GRIK2: variants seen among roughly 807,000 people sequenced by gnomAD.
GRIK2 encodes glutamate receptor ionotropic, kainate 2.
A neutral mutation model predicts 100.3 loss-of-function variants in GRIK2; 32 were observed. The ratio of observed to expected loss-of-function variants is 0.32; its 90% confidence interval spans 0.24 to 0.43. The LOEUF is 0.43. Ranked by LOEUF, GRIK2 falls within the 20% of genes least tolerant of loss-of-function variation. GRIK2 has a pLI of 1.00. For missense variants in GRIK2, 843 were observed against 1,114.9 expected, an observed-to-expected ratio of 0.76 and a Z score of 3.47; for synonymous variants, 417 against 389.4, an observed-to-expected ratio of 1.07 and a Z score of -0.83.
intron 14 of GRIK2, among the ~76,000 whole-genome samples, chr6:102,013,476 T>C (rs1339290978): frequency 6.6e-6 from 1 of 152,128 alleles, no homozygotes; most frequent in Non-Finnish European, 1.5e-5. Flanking sequence ...CTATTTTGAA[T>C]AGGAGTGGTG....
intron 2 of GRIK2, among the ~76,000 whole-genome samples, chr6:101,572,471 A>C (rs974978808): frequency 1.3e-5 from 2 of 152,156 alleles, no homozygotes; most frequent in Admixed American, 6.6e-5. Context: ...ACTTGTGCTA[A>C]ACTGAAGCCA....
At chr6:101,875,331 G>C (rs9485553) in intron 11 of GRIK2, among the ~76,000 whole-genome samples, 17,970 of 151,736 alleles carry the variant, frequency 0.12, 2,016 homozygotes, top group East Asian at 0.52. Context: ...CTTTATCTTG[G>C]GGGTATTTCT....
chr6:101,433,435 A>C, intron 2 of GRIK2, among the ~76,000 whole-genome samples: 1 of 152,202 alleles, frequency 6.6e-6, no homozygotes, highest in East Asian at 1.9e-4. Flanking sequence ...TAATATTAGC[A>C]ACTACTTCTT....
chr6:101,428,906 A>G (rs1457827161), intron 2 of GRIK2, among the ~76,000 whole-genome samples: 5 of 152,236 alleles, frequency 3.3e-5, no homozygotes, highest in South Asian at 2.1e-4. Context: ...ATGTTTTATC[A>G]TTGTTCTTTC....
intron 2 of GRIK2, among the ~76,000 whole-genome samples, chr6:101,582,984 T>C (rs1470766865): frequency 6.6e-6 from 1 of 152,054 alleles, no homozygotes; most frequent in East Asian, 1.9e-4. Context: ...ATTACTCAGA[T>C]GAATGAGGTT....
intron 7 of GRIK2, among the ~76,000 whole-genome samples, chr6:101,707,211 T>C (rs749298953): frequency 2.0e-5 from 3 of 151,644 alleles, no homozygotes; most frequent in Non-Finnish European, 4.4e-5. Flanking sequence ...GCACATATTC[T>C]AATTTGACTC....
chr6:101,762,251 T>C (rs1583098689), intron 7 of GRIK2, among the ~76,000 whole-genome samples: 1 of 151,858 alleles, frequency 6.6e-6, no homozygotes, highest in Admixed American at 6.6e-5. Context: ...CATAACTCAT[T>C]GCAGCCTCAA....
At chr6:101,722,877 T>G (rs1562335257) in intron 7 of GRIK2, among the ~76,000 whole-genome samples, 1 of 152,060 alleles carries the variant, frequency 6.6e-6, no homozygotes, top group African/African-American at 2.4e-5. Flanking sequence ...ATTTAAGATG[T>G]GATCAGCATG....
chr6:101,430,305 T>G (rs1769305071), intron 2 of GRIK2: 1 of 153,748 alleles, frequency 6.5e-6, no homozygotes, highest in African/African-American at 2.4e-5. Flanking sequence ...TACAAGCTTC[T>G]GGGACAAATT....
intron 15 of GRIK2, among the ~76,000 whole-genome samples, chr6:102,037,072 A>T (rs1380369337): frequency 6.6e-6 from 1 of 151,472 alleles, no homozygotes; most frequent in South Asian, 2.1e-4. Flanking sequence ...AAATAATATT[A>T]CATTTGGAAA....
intron 2 of GRIK2, among the ~76,000 whole-genome samples, chr6:101,495,752 A>G (rs1386922118): frequency 1.3e-5 from 2 of 152,044 alleles, no homozygotes; most frequent in South Asian, 2.1e-4. Flanking sequence ...CAAACAGGGT[A>G]TATTGGAGAT....
At chr6:101,943,915 G>C (rs555653661) in intron 14 of GRIK2, among the ~76,000 whole-genome samples, 2 of 152,274 alleles carry the variant, frequency 1.3e-5, no homozygotes, top group East Asian at 3.9e-4. Context: ...ATGCAATTTG[G>C]GAGGGGAAAG....
intron 7 of GRIK2, among the ~76,000 whole-genome samples, chr6:101,740,683 G>A (rs1583054051): frequency 6.6e-6 from 1 of 152,198 alleles, no homozygotes; most frequent in Non-Finnish European, 1.5e-5. Flanking sequence ...TGTACAAGAA[G>A]CTTGGCTCCA....
chr6:101,471,266 C>T lies in GRIK2; in HGVS notation c.115+71874C>T, dbSNP rs192704778. Among the ~76,000 whole-genome samples the T allele has an allele frequency of 3.1e-3, 466 of 152,068 alleles. 2 individuals carry two copies. The highest frequency in any genetic ancestry group is 4.4e-3 in the African/African-American group (183 of 41,516). The stretch of plus-strand genomic sequence containing the variant: ...ATCTATAACGCTTTGGTAGATTAAA[C>T]GATCTCTCATATTATACCTAATACT... On this transcript the variant is annotated intron_variant, in intron 2 of 16. Coordinates refer to ENST00000369134, the MANE Select transcript of GRIK2 (RefSeq NM_021956.5).
intron 7 of GRIK2, among the ~76,000 whole-genome samples, chr6:101,792,455 C>T (rs1779944150): frequency 6.6e-6 from 1 of 151,568 alleles, no homozygotes. Flanking sequence ...TTTATTTCTC[C>T]TTCACTTATG....
At chr6:101,483,217 A>C (rs1332108190) in intron 2 of GRIK2, among the ~76,000 whole-genome samples, 1 of 152,172 alleles carries the variant, frequency 6.6e-6, no homozygotes, top group African/African-American at 2.4e-5. Flanking sequence ...TGGGGTATTC[A>C]ATAACTTATG....
At chr6:101,909,384 T>TGTTTTTG (rs200506567) in intron 12 of GRIK2, among the ~76,000 whole-genome samples, 4,090 of 138,574 alleles carry the variant, frequency 0.03, 170 homozygotes, top group Non-Finnish European at 0.044. Context: ...TTCTTTTTCT[T>TGTTTTTG]TTTTTTTTTT....
chr6:101,440,449 C>A (rs1769983218), intron 2 of GRIK2, among the ~76,000 whole-genome samples: 1 of 152,114 alleles, frequency 6.6e-6, no homozygotes, highest in Non-Finnish European at 1.5e-5. Flanking sequence ...TTCAGAGCCA[C>A]AAGAACCCTA....
At chr6:101,419,271 T>A (rs538325343) in intron 2 of GRIK2, among the ~76,000 whole-genome samples, 1 of 152,224 alleles carries the variant, frequency 6.6e-6, no homozygotes, top group Non-Finnish European at 1.5e-5. Context: ...CAGTTCTTTC[T>A]ACCTACAACC....
Sources: allele counts gnomAD v4.1 joint callset (sites outside exome capture counted in the v4.1 genomes callset), GRCh38; gene constraint gnomAD v4.1.1; transcripts MANE v1.5; gene names NCBI Gene and HGNC (gene_info 2026-07-23, HGNC 2026-07-21).